The following RIMS2 variants were observed in gnomAD, a reference collection of about 807,000 sequenced individuals.
RIMS2 encodes regulating synaptic membrane exocytosis 2, also known as regulating synaptic membrane exocytosis protein 2.
In RIMS2, 59 loss-of-function variants were observed where a neutral mutation model predicts 174.4. The observed-to-expected ratio is 0.34, with a 90% CI of 0.27 to 0.42. The LOEUF (loss-of-function observed/expected upper bound fraction) is 0.42. Ranked by LOEUF, RIMS2 falls within the 10% of genes least tolerant of loss-of-function variation. The pLI, the probability that RIMS2 is intolerant of heterozygous loss-of-function variation, is 1.00. For synonymous variants in RIMS2, 606 were observed against 572.5 expected, an observed-to-expected ratio of 1.06 and a Z score of -0.84; for missense variants, 1,620 against 1,666.3, an observed-to-expected ratio of 0.97 and a Z score of 0.48.
chr8:104,117,569 G>A (rs927450758), intron 19 of RIMS2, among the ~76,000 whole-genome samples: 2 of 151,850 alleles, frequency 1.3e-5, no homozygotes, highest in Non-Finnish European at 2.9e-5. Context: ...TTGAAATCCT[G>A]GCCTCAAGCA....
intron 1 of RIMS2, among the ~76,000 whole-genome samples, chr8:103,595,159 A>G (rs1385301381): frequency 6.6e-6 from 1 of 151,830 alleles, no homozygotes; most frequent in Non-Finnish European, 1.5e-5. Flanking sequence ...AATAATTTTT[A>G]TTCTTTATAG....
chr8:103,995,059 C>T (rs1010502861), intron 17 of RIMS2, among the ~76,000 whole-genome samples: 2 of 151,976 alleles, frequency 1.3e-5, no homozygotes, highest in African/African-American at 4.8e-5. Flanking sequence ...TATTATTTCT[C>T]TTCTTCATAA....
chr8:103,584,853 T>A (rs955290493), intron 1 of RIMS2, among the ~76,000 whole-genome samples: 1 of 152,064 alleles, frequency 6.6e-6, no homozygotes, highest in African/African-American at 2.4e-5. Flanking sequence ...AGACAACAAA[T>A]TTAAAAATGG....
At chr8:104,169,341 A>ATAT (rs1563510137) in intron 19 of RIMS2, among the ~76,000 whole-genome samples, 907 of 33,258 alleles carry the variant, frequency 0.027, 5 homozygotes, top group African/African-American at 0.046. Flanking sequence ...TATATATATA[A>ATAT]AACAGATTCA....
Position 103,580,097 on chromosome 8 carries a change from C to A in RIMS2, c.176+79035C>A, listed in dbSNP as rs190136912. Among the ~76,000 whole-genome samples the A allele has an allele frequency of 2.6e-5, 4 of 152,160 alleles. No individual in the cohort carries two copies. The East Asian group carries it at 7.7e-4, about 29-fold the overall frequency. On this transcript the variant is annotated intron_variant, in intron 1 of 23. Transcript: ENST00000504942. The stretch of plus-strand genomic sequence containing the variant: ...GTGGGGACACAGAGCAAAACCGTAT[C>A]AACCACTAAAGGACACAGTAAGAAA...
intron 19 of RIMS2, among the ~76,000 whole-genome samples, chr8:104,055,151 T>C (rs971141676): frequency 6.6e-6 from 1 of 152,138 alleles, no homozygotes; most frequent in South Asian, 2.1e-4. Context: ...TTTGTGTGCC[T>C]CTTTGTCTGC....
intron 3 of RIMS2, among the ~76,000 whole-genome samples, chr8:103,871,257 G>A (rs1391761153): frequency 2.6e-5 from 4 of 152,156 alleles, no homozygotes; most frequent in South Asian, 2.1e-4. Flanking sequence ...AAAAATATGC[G>A]GTGGAGAGCG....
At chr8:103,561,717 A>G (rs2091621234) in intron 1 of RIMS2, among the ~76,000 whole-genome samples, 2 of 152,194 alleles carry the variant, frequency 1.3e-5, no homozygotes, top group South Asian at 4.1e-4. Context: ...TGGGTTACTC[A>G]AGATCTTTAT....
chr8:103,548,692 T>G (rs1417890821), intron 1 of RIMS2, among the ~76,000 whole-genome samples: 1 of 152,040 alleles, frequency 6.6e-6, no homozygotes, highest in Non-Finnish European at 1.5e-5. Flanking sequence ...GAGAAAGAAA[T>G]AAAATGCATT....
intron 16 of RIMS2, chr8:103,976,548 C>CTTTTTCTTTTTTTTTTTTTTTTT (rs1555075311): frequency 8.0e-6 from 1 of 124,568 alleles, no homozygotes; most frequent in Non-Finnish European, 1.7e-5. Context: ...TTTTCTTTTT[C>CTTTTTCTTTTTTTTTTTTTTTTT]TTTTTTTTTT....
intron 1 of RIMS2, among the ~76,000 whole-genome samples, chr8:103,607,346 T>C (rs1161020958): frequency 6.6e-6 from 1 of 152,098 alleles, no homozygotes; most frequent in Non-Finnish European, 1.5e-5. Flanking sequence ...CTCTTCTGGC[T>C]TGTAGGGTTT....
chr8:104,026,439 A>C (rs547534695), intron 19 of RIMS2, among the ~76,000 whole-genome samples: 2 of 152,286 alleles, frequency 1.3e-5, no homozygotes, highest in East Asian at 3.9e-4. Context: ...TAACATCTAC[A>C]ACCTTCCTAA....
chr8:104,030,183 A>G (rs1344538720), intron 19 of RIMS2, among the ~76,000 whole-genome samples: 1 of 152,124 alleles, frequency 6.6e-6, no homozygotes, highest in Non-Finnish European at 1.5e-5. Flanking sequence ...GTGAAACTCT[A>G]TAGGGATTAA....
intron 1 of RIMS2, among the ~76,000 whole-genome samples, chr8:103,661,418 C>T (rs2096598649): frequency 1.3e-5 from 2 of 152,116 alleles, no homozygotes; most frequent in Admixed American, 6.5e-5. Context: ...ACTTCAGCTA[C>T]TTCAAAATAC....
At chr8:103,793,998 C>G (rs188771498) in intron 3 of RIMS2, among the ~76,000 whole-genome samples, 2 of 152,112 alleles carry the variant, frequency 1.3e-5, no homozygotes, top group Non-Finnish European at 2.9e-5. Context: ...GTGAAAATGG[C>G]CATACTGCCC....
chr8:103,820,369 TA>T, intron 3 of RIMS2, among the ~76,000 whole-genome samples: 1 of 151,796 alleles, frequency 6.6e-6, no homozygotes. Flanking sequence ...ACATGCTTAG[TA>T]AAAAAAAGAC....
intron 19 of RIMS2, among the ~76,000 whole-genome samples, chr8:104,167,374 C>A (rs2098804190): frequency 6.6e-6 from 1 of 152,154 alleles, no homozygotes; most frequent in Non-Finnish European, 1.5e-5. Flanking sequence ...GCCACTCTTG[C>A]AGGAGTAAGT....
chr8:104,100,014 T>C (rs10105325), intron 19 of RIMS2, among the ~76,000 whole-genome samples: 35,645 of 151,746 alleles, frequency 0.23, 4,486 homozygotes, highest in African/African-American at 0.33. Context: ...AGCGACGGGG[T>C]TTGGCCATGT....
intron 10 of RIMS2, among the ~76,000 whole-genome samples, chr8:103,924,507 C>G (rs1423867255): frequency 6.6e-6 from 1 of 151,518 alleles, no homozygotes. Context: ...TATATCAACC[C>G]TAAGGAAAAC....
Sources: gnomAD v4.1 joint callset for allele counts (sites outside exome capture counted in the v4.1 genomes callset) on GRCh38, gnomAD v4.1.1 for gene constraint, MANE v1.5 for transcripts, NCBI Gene and HGNC (gene_info 2026-07-23, HGNC 2026-07-21) for gene names.